The following TUBGCP3 variants were observed in gnomAD, a reference collection of about 807,000 sequenced individuals.
TUBGCP3 encodes the protein tubulin gamma complex component 3.
In TUBGCP3, 50 loss-of-function variants were observed where a neutral mutation model predicts 123.1. That is an observed-to-expected ratio of 0.41 (90% CI 0.32 to 0.51). The LOEUF is 0.51. TUBGCP3 is among the 20% of genes least tolerant of loss of function. The pLI is 0.36. For synonymous variants in TUBGCP3, 405 were observed against 413.9 expected, an observed-to-expected ratio of 0.98 and a Z score of 0.26; for missense variants, 882 against 1,127.0, an observed-to-expected ratio of 0.78 and a Z score of 3.11.
chr13:112,541,005 A>C (rs1878476072), intron 11 of TUBGCP3, among the ~76,000 whole-genome samples: 1 of 152,228 alleles, frequency 6.6e-6, no homozygotes, highest in Admixed American at 6.5e-5. Context: ...CCAAATTTAA[A>C]CCACACTAGT....
upstream of TUBGCP3, among the ~76,000 whole-genome samples, chr13:112,589,987 C>A (rs936412622): frequency 6.6e-5 from 10 of 151,808 alleles, no homozygotes; most frequent in African/African-American, 2.4e-4. Context: ...TTACAACCAT[C>A]TTTCTTTTTT....
At chr13:112,541,374 T>C (rs1267938820) in intron 11 of TUBGCP3, among the ~76,000 whole-genome samples, 1 of 152,004 alleles carries the variant, frequency 6.6e-6, no homozygotes, top group East Asian at 1.9e-4. Flanking sequence ...AAATCCCGCC[T>C]CTACTAAAAA....
chr13:112,554,852 C>G, intron 7 of TUBGCP3, 35 bp downstream of exon 7: 1 of 1,459,336 alleles, frequency 6.9e-7, no homozygotes, highest in Non-Finnish European at 9.4e-7. Context: ...TTTTTTCTTT[C>G]TGAATATTTT....
rs1594121462 is a variant in TUBGCP3, at chr13:112,508,825, T to C, written c.2087-4111A>G. On this transcript the variant is annotated intron_variant, in intron 17 of 21. Coordinates refer to ENST00000261965, the MANE Select transcript of TUBGCP3 (RefSeq NM_006322.6). This position sits in a 1 kb window ranked among gnomAD's most constrained non-coding sequence, Gnocchi z 4.2. ...AGGTGCCACTGAGACTCCAACCACCTCCTGGCCTCCGTACACGCATCACCT... is the reference window on the plus strand; with the variant it reads ...AGGTGCCACTGAGACTCCAACCACCCCCTGGCCTCCGTACACGCATCACCT... 6.6e-6 allele frequency among the ~76,000 whole-genome samples: 1 copy of C among 151,874 alleles called. No individual in the cohort carries two copies. The highest frequency in any genetic ancestry group is 1.5e-5 in the Non-Finnish European group (1 of 67,982).
chr13:112,501,751 A>C (rs1278686795), intron 19 of TUBGCP3, among the ~76,000 whole-genome samples: 1 of 152,196 alleles, frequency 6.6e-6, no homozygotes, highest in Non-Finnish European at 1.5e-5. Flanking sequence ...TTCAGAAATG[A>C]CCATGAAGCC....
chr13:112,520,937 C>G (rs759897117), intron 14 of TUBGCP3, among the ~76,000 whole-genome samples: 2 of 152,200 alleles, frequency 1.3e-5, no homozygotes, highest in Admixed American at 6.5e-5. Context: ...AACCTAAAAA[C>G]TAGGAACTTA....
At chr13:112,590,887 G>A (rs1882870959), upstream of TUBGCP3, among the ~76,000 whole-genome samples, 1 of 152,188 alleles carries the variant, frequency 6.6e-6, no homozygotes, top group African/African-American at 2.4e-5. Flanking sequence ...CAGCCCTTAT[G>A]GGTAAACACC....
intron 2 of TUBGCP3, among the ~76,000 whole-genome samples, chr13:112,566,498 C>T (rs1487016250): frequency 9.2e-5 from 14 of 152,170 alleles, no homozygotes; most frequent in Admixed American, 7.2e-4. Context: ...CCAGAGATTA[C>T]ATAATCTAAT....
At position 112,524,802 on chromosome 13, in the gene TUBGCP3, C is replaced by T. The variant is rs892407942; in HGVS notation, c.1555+2140G>A. On this transcript the variant is annotated intron_variant, in intron 13 of 21. Coordinates refer to ENST00000261965, the MANE Select transcript of TUBGCP3 (RefSeq NM_006322.6). This position sits in a 1 kb window ranked among gnomAD's most constrained non-coding sequence, Gnocchi z 4.4. ...TAAGTGCTTCCAAAATCTCTATATT[C>T]GGCCCTGACTTTTAACCAGAGTTTC... 6.6e-6 allele frequency among the ~76,000 whole-genome samples: 1 copy of T among 152,140 alleles called. No individual in the cohort carries two copies. The highest frequency in any genetic ancestry group is 1.9e-4 in the East Asian group (1 of 5,186).
intron 20 of TUBGCP3, among the ~76,000 whole-genome samples, chr13:112,497,002 A>T (rs1464286657): frequency 2.6e-5 from 4 of 151,998 alleles, no homozygotes; most frequent in Non-Finnish European, 4.4e-5. Flanking sequence ...AAAAAAAAAA[A>T]ATCGGAGTGA....
At chr13:112,575,406 T>C (rs1449204891) in intron 1 of TUBGCP3, among the ~76,000 whole-genome samples, 2 of 152,100 alleles carry the variant, frequency 1.3e-5, no homozygotes, top group Admixed American at 6.5e-5. Context: ...CAAGATGACA[T>C]AGCAATTCTA....
intron 5 of TUBGCP3, among the ~76,000 whole-genome samples, chr13:112,556,996 T>TG (rs1194380585): frequency 2.0e-5 from 3 of 151,840 alleles, no homozygotes; most frequent in Non-Finnish European, 2.9e-5. Context: ...GGTGCAATAC[T>TG]GGGGGGGTTT....
chr13:112,547,521 G>T, intron 10 of TUBGCP3, 99 bp downstream of exon 10: 1 of 1,344,784 alleles, frequency 7.4e-7, no homozygotes. Context: ...GGAAAGACGC[G>T]CGTGGGAAAG....
the TUBGCP3 span, chr13:112,602,968 T>A: frequency 1.3e-5 from 2 of 152,264 alleles, no homozygotes; most frequent in Non-Finnish European, 2.9e-5. Context: ...TATAGTCTGG[T>A]GTGCAAAGTC....
At chr13:112,517,992 G>A (rs139514385) in intron 16 of TUBGCP3, among the ~76,000 whole-genome samples, 1 of 152,224 alleles carries the variant, frequency 6.6e-6, no homozygotes, top group East Asian at 1.9e-4. Context: ...AAGAGAAAAA[G>A]CTAATTTGAA....
At chr13:112,504,520 A>G in intron 18 of TUBGCP3, 106 bp downstream of exon 18, 1 of 762,384 alleles carries the variant, frequency 1.3e-6, no homozygotes, top group South Asian at 2.5e-5. Context: ...ATGTATATAT[A>G]CACATATATA....
intron 19 of TUBGCP3, among the ~76,000 whole-genome samples, chr13:112,501,701 A>T (rs956966951): frequency 6.6e-6 from 1 of 152,172 alleles, no homozygotes; most frequent in East Asian, 1.9e-4. Context: ...ATTTTAAACA[A>T]ATCATCAAAT....
intron 14 of TUBGCP3, among the ~76,000 whole-genome samples, chr13:112,521,341 CAT>C (rs531946718): frequency 2.8e-3 from 428 of 152,336 alleles, no homozygotes; most frequent in African/African-American, 9.6e-3. Context: ...CAAAAAGCCA[CAT>C]GAGTTTTCAC....
At chr13:112,489,827 T>G in intron 20 of TUBGCP3, 130 bp from the exon 21 acceptor site, 2 of 667,136 alleles carry the variant, frequency 3.0e-6, no homozygotes, top group Non-Finnish European at 5.2e-6. Context: ...GTTCAACACT[T>G]TCACAATAAT....
Sources: gnomAD v4.1 joint callset for allele counts (sites outside exome capture counted in the v4.1 genomes callset) on GRCh38, gnomAD v4.1.1 for gene constraint, Gnocchi (gnomAD v3.1) non-coding constraint, MANE v1.5 for transcripts, NCBI Gene and HGNC (gene_info 2026-07-23, HGNC 2026-07-21) for gene names.